ATG4B: variants seen among roughly 807,000 people sequenced by gnomAD.
The protein encoded by ATG4B is cysteine protease ATG4B.
Under a neutral mutation model 56.6 loss-of-function variants are expected in ATG4B, and 29 were observed. The observed-to-expected ratio is 0.51, with a 90% CI of 0.38 to 0.70. The LOEUF is 0.70. Among genes scored for constraint, ATG4B ranks in the 30% least tolerant of loss-of-function variants. The pLI is 0.00. For missense variants in ATG4B, 461 were observed against 515.5 expected (o/e 0.89, Z 1.02); for synonymous variants, 224 against 206.1 (o/e 1.09, Z -0.74).
chr2:241,656,970 C>A (rs1000420614), intron 6 of ATG4B, among the ~76,000 whole-genome samples: 1 of 150,996 alleles, frequency 6.6e-6, no homozygotes, highest in African/African-American at 2.4e-5. Context: ...CAGGACTCCT[C>A]TCTTTTTTCT....
chr2:241,654,382 T>C (rs988962067), intron 4 of ATG4B, among the ~76,000 whole-genome samples, 164 bp from the exon 5 acceptor site: 5 of 143,006 alleles, frequency 3.5e-5, no homozygotes, highest in South Asian at 2.2e-4. Flanking sequence ...GATCACGCCA[T>C]TGCACTCCAT....
At chr2:241,655,219 G>A in intron 5 of ATG4B, 52 bp from the exon 6 acceptor site, 1 of 1,555,356 alleles carries the variant, frequency 6.4e-7, no homozygotes, top group Non-Finnish European at 8.8e-7. Context: ...TGCCACCAGA[G>A]GTCAGGGCTG....
intron 1 of ATG4B, among the ~76,000 whole-genome samples, chr2:241,647,134 C>T (rs1299211829): frequency 6.6e-6 from 1 of 152,294 alleles, no homozygotes; most frequent in East Asian, 1.9e-4. Flanking sequence ...GTTTATTGGA[C>T]ATAATCCCAT....
At chr2:241,639,366 C>A (rs2067811646) in intron 1 of ATG4B, among the ~76,000 whole-genome samples, 1 of 152,210 alleles carries the variant, frequency 6.6e-6, no homozygotes. Context: ...CCTGTTACTC[C>A]CATTGCCCTG....
rs771562770 is a variant in ATG4B at position 241,671,434 on chromosome 2, C to T, written c.1108+29C>T. 3 of 1,611,056 alleles carry T rather than the reference C, an allele frequency of 1.9e-6. No homozygotes were observed. In the African/African-American group the frequency reaches 4.0e-5, roughly 22 times the overall value. ...AGAGCTGCCAAGTCCAGGTGGGGTC[C>T]CTCGGAGGTACGATCTGTGCCCTTG... On this transcript the variant is annotated intron_variant, in intron 12 of 12. Transcript: ENST00000404914.
At chr2:241,637,789 C>T (rs2067715569) in intron 1 of ATG4B, 65 bp downstream of exon 1, 3 of 1,495,340 alleles carry the variant, frequency 2.0e-6, no homozygotes, top group South Asian at 2.6e-5. Context: ...GCCTCCCCTG[C>T]TCGGGTCGGG....
intron 1 of ATG4B, among the ~76,000 whole-genome samples, chr2:241,642,296 G>A (rs1411786456): frequency 6.6e-6 from 1 of 151,572 alleles, no homozygotes; most frequent in African/African-American, 2.4e-5. Flanking sequence ...GTGTTTTCTA[G>A]CTTTCTGATG....
At chr2:241,661,490 A>T (rs2068592426) in intron 7 of ATG4B, among the ~76,000 whole-genome samples, 1 of 152,064 alleles carries the variant, frequency 6.6e-6, no homozygotes, top group Admixed American at 6.6e-5. Flanking sequence ...GCAAGGGAGG[A>T]CGTCTGAGGA....
At chr2:241,652,478 A>G (rs577092048) in intron 3 of ATG4B, among the ~76,000 whole-genome samples, 1 of 152,258 alleles carries the variant, frequency 6.6e-6, no homozygotes, top group Non-Finnish European at 1.5e-5. Flanking sequence ...TCTGAAGGGC[A>G]GTGTGCTGTG....
chr2:241,637,771 T>C (rs2067714739), intron 1 of ATG4B, 47 bp downstream of exon 1: 1 of 1,551,236 alleles, frequency 6.4e-7, no homozygotes, highest in African/African-American at 1.4e-5. Context: ...GTGCTCGCCT[T>C]ATCATTGGCC....
chr2:241,659,260 C>T (rs1481228450), intron 7 of ATG4B, 73 bp downstream of exon 7: 1 of 1,360,958 alleles, frequency 7.3e-7, no homozygotes, highest in East Asian at 2.4e-5. Flanking sequence ...TCGCCTGAGT[C>T]CCCACGGGAG....
intron 1 of ATG4B, among the ~76,000 whole-genome samples, chr2:241,645,542 G>T (rs1004249757): frequency 3.3e-5 from 5 of 152,206 alleles, no homozygotes; most frequent in Non-Finnish European, 7.3e-5. Context: ...CTCCCGTGCA[G>T]TTTAGAGCTT....
intron 11 of ATG4B, among the ~76,000 whole-genome samples, 165 bp downstream of exon 11, chr2:241,670,947 TC>T (rs1353303699): frequency 6.6e-5 from 10 of 152,186 alleles, no homozygotes; most frequent in African/African-American, 2.4e-4. Context: ...GGGTGGGGCG[TC>T]CTGGATTGCC....
chr2:241,639,503 C>G (rs2067818885), intron 1 of ATG4B, among the ~76,000 whole-genome samples: 1 of 152,202 alleles, frequency 6.6e-6, no homozygotes, highest in Non-Finnish European at 1.5e-5. Context: ...AGTGTTACAG[C>G]CTTCTTTGTA....
intron 1 of ATG4B, among the ~76,000 whole-genome samples, chr2:241,650,671 C>T (rs1303414049): frequency 1.3e-5 from 2 of 152,100 alleles, no homozygotes; most frequent in Non-Finnish European, 2.9e-5. Flanking sequence ...TCTCACCCCT[C>T]AGGTTGGCCC....
rs544195724 is a variant in ATG4B, at chr2:241,663,811, A to ATTT, written c.539-2820_539-2818dup. On this transcript the variant is annotated intron_variant, in intron 7 of 12. Transcript: ENST00000404914. ...GCCTGGGCAACATAGCCAGACGTCT[A>ATTT]TTTTTTTTTTTTTTTTGGAACAGTT... 1.1e-4 allele frequency among the ~76,000 whole-genome samples: 16 copies of ATTT among 140,224 alleles called. No individual in the cohort carries two copies. In the East Asian group the frequency reaches 1.9e-3, roughly 16 times the overall value. The allele number at this position is 140,224 out of a possible 152,430, so 92.0% of individuals were successfully genotyped here.
intron 6 of ATG4B, among the ~76,000 whole-genome samples, chr2:241,657,315 C>A (rs568937485): frequency 7.7e-6 from 1 of 130,596 alleles, no homozygotes; most frequent in South Asian, 2.5e-4. Context: ...ATTTTTTTTC[C>A]GAGACAGAGT....
In ATG4B at chr2:241,673,104, A is replaced by G. The variant is rs867548343; in HGVS notation, c.*840A>G. The G allele has an allele frequency of 5.6e-6, 1 of 180,020 alleles. No individual in the cohort carries two copies. Among genetic ancestry groups the G allele is most frequent in the South Asian group, 1.3e-4 (1 of 7,882 alleles). 11.2% of individuals were successfully genotyped at this position (180,020 alleles called of 1,614,324 possible). ...TGAGGGTGGACGGCGTGCCTCTCCC[A>G]GGAGCCTTCCCCATGTCCTTGCCTT... On this transcript the variant is annotated 3_prime_UTR_variant, in exon 13 of 13. Transcript: ENST00000404914.
In ATG4B at chr2:241,651,334, T is replaced by G; in HGVS notation, c.183T>G (p.Ile61Met). ...CATACAGGAAAAACTTTCCAGCCAT[T>G]GGTAAGTACTCTGTTTTATTACAAC... ...WFTYRKNFPA[I>M]GGTGPTSDTG... The change falls in exon 3 of 13, where the codon ATT becomes ATG. Residue 61 changes from isoleucine (I) to methionine (M), a missense_variant and splice_region_variant. By Grantham distance (10) the Ile-to-Met change is conservative. Transcript: ENST00000404914. This position sits in a 1 kb window ranked among gnomAD's most constrained non-coding sequence, Gnocchi z 4.1. 1.3e-6 allele frequency: 2 copies of G among 1,590,910 alleles called. No homozygotes were observed. Among genetic ancestry groups the G allele is most frequent in the Non-Finnish European group, 1.7e-6 (2 of 1,166,910 alleles).
Sources: gnomAD v4.1 joint callset for allele counts (sites outside exome capture counted in the v4.1 genomes callset) on GRCh38, gnomAD v4.1.1 for gene constraint, Gnocchi (gnomAD v3.1) non-coding constraint, MANE v1.5 for transcripts, NCBI Gene and HGNC (gene_info 2026-07-23, HGNC 2026-07-21) for gene names.